Variants in SEPTIN9 observed in about 807,000 individuals in gnomAD.
SEPTIN9 encodes the protein septin-9.
Under a neutral mutation model 56.6 loss-of-function variants are expected in SEPTIN9, and 13 were observed. The observed-to-expected ratio is 0.23, with a 90% CI of 0.15 to 0.37. The LOEUF (loss-of-function observed/expected upper bound fraction) is 0.37. Among genes scored for constraint, SEPTIN9 ranks in the 10% least tolerant of loss-of-function variants. The pLI is 1.00. For missense variants in SEPTIN9, 650 were observed against 823.1 expected (o/e 0.79, Z 2.57); for synonymous variants, 332 against 334.1 (o/e 0.99, Z 0.07).
chr17:77,387,288 C>T (rs2035370330), intron 2 of SEPTIN9, among the ~76,000 whole-genome samples: 1 of 152,252 alleles, frequency 6.6e-6, no homozygotes, highest in Non-Finnish European at 1.5e-5. Context: ...TCACGCCACT[C>T]CCTGCTCCGT....
At chr17:77,468,085 G>A (rs2038827134) in intron 3 of SEPTIN9, among the ~76,000 whole-genome samples, 1 of 152,038 alleles carries the variant, frequency 6.6e-6, no homozygotes, top group Non-Finnish European at 1.5e-5. Context: ...CTAACACGGT[G>A]AAACCCCGTT....
At chr17:77,351,220 G>A (rs1349995603) in intron 2 of SEPTIN9, among the ~76,000 whole-genome samples, 2 of 137,812 alleles carry the variant, frequency 1.5e-5, no homozygotes, top group Non-Finnish European at 3.1e-5. Flanking sequence ...ACATGTGCGC[G>A]TGCACACAAC....
At chr17:77,365,952 T>A (rs764354999) in intron 2 of SEPTIN9, among the ~76,000 whole-genome samples, 1 of 152,152 alleles carries the variant, frequency 6.6e-6, no homozygotes, top group Admixed American at 6.6e-5. Context: ...CGGTGGCAAG[T>A]TGCCTCCAGC....
intron 2 of SEPTIN9, chr17:77,373,414 C>T (rs1312859166): frequency 4.7e-6 from 6 of 1,287,544 alleles, no homozygotes; most frequent in Non-Finnish European, 5.9e-6. Flanking sequence ...GGCGCGGCGC[C>T]CCAGCCAGCG....
At position 77,402,783 on chromosome 17, in the gene SEPTIN9, A is replaced by C; in HGVS notation, c.721+80A>C. ...TGGCTTTGCCACAGAATCTTGGAGG[A>C]AGAAGCTGGATATGGGGTGGAGGGT... On this transcript the variant is annotated intron_variant, in intron 3 of 11. Coordinates refer to ENST00000427177, the MANE Select transcript of SEPTIN9 (RefSeq NM_001113491.2). The surrounding 1 kb of genome is among the most constrained non-coding windows in gnomAD (Gnocchi z 6.6). 2 of 1,423,770 alleles carry C rather than the reference A, an allele frequency of 1.4e-6. No individual in the cohort carries two copies. The highest frequency in any genetic ancestry group is 1.4e-5 in the South Asian group (1 of 71,270). 88.2% of individuals were successfully genotyped at this position (1,423,770 alleles called of 1,614,324 possible). A position where few individuals can be genotyped will look rare whatever the true frequency, so the allele number is the denominator to read the frequency against.
At chr17:77,416,421 C>G (rs535019162) in intron 3 of SEPTIN9, among the ~76,000 whole-genome samples, 2 of 152,346 alleles carry the variant, frequency 1.3e-5, no homozygotes, top group Admixed American at 1.3e-4. Context: ...CCCCGGCCCT[C>G]TGAACGGAGT....
chr17:77,305,898 G>A (rs1567984037), intron 1 of SEPTIN9, among the ~76,000 whole-genome samples: 1 of 122,120 alleles, frequency 8.2e-6, no homozygotes, highest in Non-Finnish European at 1.7e-5. Context: ...AAGGATGAGT[G>A]GGTGGGTGGG....
chr17:77,471,978 C>T (rs2039017263), intron 3 of SEPTIN9, among the ~76,000 whole-genome samples: 1 of 152,068 alleles, frequency 6.6e-6, no homozygotes, highest in Admixed American at 6.5e-5. Context: ...CCCCACCACA[C>T]ACCGCACCAG....
Position 77,490,721 on chromosome 17 carries a change from A to T in SEPTIN9, c.1263-21A>T, listed in dbSNP as rs1450088969. ...TGCCCCGCTCCCCCAGATGAGCCTC[A>T]CGCACATCCCTCTGCTTCAGCCTCA... On this transcript the variant is annotated intron_variant, in intron 7 of 11. Coordinates refer to ENST00000427177, the MANE Select transcript of SEPTIN9 (RefSeq NM_001113491.2). 7 of 1,540,498 alleles carry T rather than the reference A, an allele frequency of 4.5e-6. No individual in the cohort carries two copies. The South Asian group carries it at 7.1e-5, about 16-fold the overall frequency.
chr17:77,373,072 G>C (rs2034773944), intron 2 of SEPTIN9: 3 of 506,490 alleles, frequency 5.9e-6, no homozygotes, highest in Admixed American at 1.2e-4. Flanking sequence ...GGGCGCCCGG[G>C]GGGAGGGGCT....
In SEPTIN9 at chr17:77,431,032, A is replaced by G. The variant is rs111890243; in HGVS notation, c.721+28329A>G. Among the ~76,000 whole-genome samples, 1,011 of 151,478 alleles carry G rather than the reference A, an allele frequency of 6.7e-3. 16 individuals carry two copies. The highest frequency in any genetic ancestry group is 0.065 in the South Asian group (312 of 4,792). On this transcript the variant is annotated intron_variant, in intron 3 of 11. Transcript: ENST00000427177. ...AGAAGAACAAGAAGTGCTAAGAAGCATCTGTCTTCCTGATTGAAAAGCAAT... is the reference window on the plus strand; with the variant it reads ...AGAAGAACAAGAAGTGCTAAGAAGCGTCTGTCTTCCTGATTGAAAAGCAAT...
chr17:77,486,881 G>A (rs534511373), intron 4 of SEPTIN9, among the ~76,000 whole-genome samples: 1 of 152,324 alleles, frequency 6.6e-6, no homozygotes, highest in South Asian at 2.1e-4. Flanking sequence ...AGCTCCACGG[G>A]GGAAGGACTG....
chr17:77,286,123 C>T (rs1330488480), intron 1 of SEPTIN9, among the ~76,000 whole-genome samples: 1 of 152,248 alleles, frequency 6.6e-6, no homozygotes, highest in Admixed American at 6.5e-5. Flanking sequence ...CCACCTCGTA[C>T]GGTTAGTCTG....
At chr17:77,314,229 T>A (rs1006800837) in intron 2 of SEPTIN9, among the ~76,000 whole-genome samples, 2 of 150,324 alleles carry the variant, frequency 1.3e-5, no homozygotes, top group Non-Finnish European at 3.0e-5. Flanking sequence ...CAGGCTGGAG[T>A]GCAGTGGCAT....
intron 2 of SEPTIN9, among the ~76,000 whole-genome samples, chr17:77,311,760 C>A (rs960854396): frequency 6.6e-6 from 1 of 152,134 alleles, no homozygotes; most frequent in Non-Finnish European, 1.5e-5. Flanking sequence ...CAAAGTGTGT[C>A]GGACGAACAG....
At chr17:77,488,167 G>T in intron 5 of SEPTIN9, 73 bp from the exon 6 acceptor site, 1 of 1,429,044 alleles carries the variant, frequency 7.0e-7, no homozygotes, top group Non-Finnish European at 9.9e-7. Context: ...GTTGCCCCGG[G>T]GTCAGTCAGG....
intron 5 of SEPTIN9, 74 bp from the exon 6 acceptor site, chr17:77,488,166 G>T: frequency 7.0e-7 from 1 of 1,420,574 alleles, no homozygotes. Flanking sequence ...GGTTGCCCCG[G>T]GGTCAGTCAG....
chr17:77,454,981 G>A (rs1417007594), intron 3 of SEPTIN9, among the ~76,000 whole-genome samples: 1 of 152,142 alleles, frequency 6.6e-6, no homozygotes, highest in Non-Finnish European at 1.5e-5. Context: ...GGCCTGAAAA[G>A]TGGCAGAGGT....
In SEPTIN9 at chr17:77,320,415, C is replaced by T. The variant is rs3760143; in HGVS notation, c.76+13218C>T. On this transcript the variant is annotated intron_variant, in intron 2 of 11. Transcript: ENST00000427177. ...CCTGGACTCGGGGCTTTATTTATGC[C>T]TGGGGGAATAAGCATGCAAAGGGCG... The T allele has an allele frequency of 0.26, 357,457 of 1,381,900 alleles. 48,078 individuals carry two copies. The highest frequency in any genetic ancestry group is 0.32 in the African/African-American group (22,552 of 70,286). 85.6% of individuals were successfully genotyped at this position (1,381,900 alleles called of 1,614,324 possible).
Sources: gnomAD v4.1 joint callset for allele counts (sites outside exome capture counted in the v4.1 genomes callset) on GRCh38, gnomAD v4.1.1 for gene constraint, Gnocchi (gnomAD v3.1) non-coding constraint, MANE v1.5 for transcripts, NCBI Gene and HGNC (gene_info 2026-07-23, HGNC 2026-07-21) for gene names.